The following MEGF8 variants were observed in gnomAD, a reference collection of about 807,000 sequenced individuals.
The protein encoded by MEGF8 is multiple epidermal growth factor-like domains protein 8.
Under a neutral mutation model 302.9 loss-of-function variants are expected in MEGF8, and 156 were observed. That is an observed-to-expected ratio of 0.52 (90% CI 0.45 to 0.59). The LOEUF (loss-of-function observed/expected upper bound fraction) is 0.59. MEGF8 is among the 20% of genes least tolerant of loss of function. The pLI, the probability that MEGF8 is intolerant of heterozygous loss-of-function variation, is 0.00. For missense variants in MEGF8, 3,345 were observed against 3,964.5 expected, an observed-to-expected ratio of 0.84 and a Z score of 4.20; for synonymous variants, 1,621 against 1,660.5, an observed-to-expected ratio of 0.98 and a Z score of 0.58.
In MEGF8 at chr19:42,336,460, A is replaced by G; in HGVS notation, c.1244+114A>G. On this transcript the variant is annotated intron_variant, in intron 6 of 41. Coordinates refer to ENST00000251268, the MANE Select transcript of MEGF8 (RefSeq NM_001271938.2). This position sits in a 1 kb window ranked among gnomAD's most constrained non-coding sequence, Gnocchi z 4.8. Reference sequence around the variant, plus strand: ...GTCGGACTCCTGTGGTCTCTCAGTCACTCCTTCCTTCATGTATTTACTTAT... The same window carrying G: ...GTCGGACTCCTGTGGTCTCTCAGTCGCTCCTTCCTTCATGTATTTACTTAT... 9.4e-7 allele frequency: 1 copy of G among 1,060,414 alleles called. No homozygotes were observed. The highest frequency in any genetic ancestry group is 1.3e-6 in the Non-Finnish European group (1 of 763,410). 65.7% of individuals were successfully genotyped at this position (1,060,414 alleles called of 1,614,324 possible). A position where few individuals can be genotyped will look rare whatever the true frequency, so the allele number is the denominator to read the frequency against.
intron 32 of MEGF8, 33 bp downstream of exon 32, chr19:42,361,039 G>A (rs1310465045): frequency 6.6e-6 from 10 of 1,522,612 alleles, no homozygotes; most frequent in Admixed American, 2.1e-5. Flanking sequence ...GCAGTGGGGA[G>A]TGGAGCCCTC....
At chr19:42,343,435 GC>G in intron 8 of MEGF8, 41 bp from the exon 9 acceptor site, 1 of 1,551,442 alleles carries the variant, frequency 6.4e-7, no homozygotes, top group African/African-American at 1.4e-5. Flanking sequence ...TGGTGGAGGG[GC>G]TGGGGGTCTA....
chr19:42,375,647 A>G lies in MEGF8; in HGVS notation c.7410A>G (p.Leu2470=), dbSNP rs1293873907. Residue 2470 remains leucine, a synonymous_variant, in exon 42 of 42, where the codon CTA becomes CTG. Coordinates refer to ENST00000251268, the MANE Select transcript of MEGF8 (RefSeq NM_001271938.2). This position sits in a 1 kb window ranked among gnomAD's most constrained non-coding sequence, Gnocchi z 7.1. The stretch of plus-strand genomic sequence containing the variant: ...TCCATGAGCCCAAACGCCGGGCGCT[A>G]GGCCCCGGCCGCACTGTCCTCTTTG... ...NCFHEPKRRA[L]GPGRTVLFGV... 3.1e-6 allele frequency: 5 copies of G among 1,609,600 alleles called. No individual in the cohort carries two copies.
At chr19:42,365,125 G>A (rs975173123) in intron 35 of MEGF8, among the ~76,000 whole-genome samples, 3 of 152,214 alleles carry the variant, frequency 2.0e-5, no homozygotes, top group African/African-American at 7.2e-5. Flanking sequence ...GAGGCCTCTC[G>A]TCTCCAAGCC....
intron 1 of MEGF8, among the ~76,000 whole-genome samples, chr19:42,328,323 A>C (rs2039011849): frequency 2.0e-5 from 3 of 152,216 alleles, no homozygotes; most frequent in Admixed American, 2.0e-4. Context: ...GAGGTGTGAC[A>C]GAGCCTGGAT....
chr19:42,368,716 A>G lies in MEGF8; in HGVS notation c.6481+54A>G. ...GGGGCTGGCCCTTGGTTGGGGTCTGATACAGTGAACATAGGGATACTGGGC... is the reference window on the plus strand; with the variant it reads ...GGGGCTGGCCCTTGGTTGGGGTCTGGTACAGTGAACATAGGGATACTGGGC... On this transcript the variant is annotated intron_variant, in intron 36 of 41. Transcript: ENST00000251268. This position sits in a 1 kb window ranked among gnomAD's most constrained non-coding sequence, Gnocchi z 4.9. 2.6e-6 allele frequency: 4 copies of G among 1,540,080 alleles called. No homozygotes were observed. Among genetic ancestry groups the G allele is most frequent in the Non-Finnish European group, 1.7e-6 (2 of 1,144,940 alleles).
rs1372579036 is a variant in MEGF8 at position 42,337,122 on chromosome 19, T to A, written c.1429T>A (p.Tyr477Asn). ...VHTHYQEEKC[Y>N]EDGIFFYHLG... is the part of the protein sequence containing the mutation. ...CACCCATTACCAGGAGGAAAAGTGC[T>A]ACGAAGATGGCATCTTCTTCTACCA... Residue 477 changes from tyrosine to asparagine, a missense_variant, in exon 8 of 42, where the codon TAC becomes AAC. Transcript: ENST00000251268. 1.9e-6 allele frequency: 3 copies of A among 1,613,882 alleles called. No individual in the cohort carries two copies. The highest frequency in any genetic ancestry group is 2.7e-5 in the African/African-American group (2 of 74,920).
rs933899325 is a variant in MEGF8 at position 42,362,389 on chromosome 19, C to T, written c.5850C>T (p.Ser1950=). ...AGCCTGTCTTCCCTCACCAGGCGTC[C>T]ACCCCCCGCTGTAAGTGGTGTACCA... is the stretch of plus-strand genomic sequence containing the variant. ...RTLQPGDGEA[S]TPRCKWCTNC... is the part of the protein sequence containing the mutation. The change falls in exon 34 of 42, where the codon TCC becomes TCT. Residue 1950 remains serine (S), a synonymous_variant. Transcript: ENST00000251268. 2 of 1,613,884 alleles carry T rather than the reference C, an allele frequency of 1.2e-6. No homozygotes were observed.
chr19:42,374,770 G>A (rs373274498), intron 41 of MEGF8, among the ~76,000 whole-genome samples: 30 of 152,214 alleles, frequency 2.0e-4, no homozygotes, highest in African/African-American at 7.0e-4. Context: ...TCAGATGCTC[G>A]TGTGTTAGAC....
intron 1 of MEGF8, among the ~76,000 whole-genome samples, chr19:42,331,348 G>T (rs920749267): frequency 3.3e-5 from 5 of 152,130 alleles, no homozygotes; most frequent in African/African-American, 1.2e-4. Context: ...GCTGGCCCAG[G>T]GTCCTCCAGC....
intron 32 of MEGF8, 147 bp from the exon 33 acceptor site, chr19:42,361,943 C>A (rs1476239996): frequency 4.0e-6 from 5 of 1,241,508 alleles, no homozygotes; most frequent in African/African-American, 3.0e-5. Flanking sequence ...CCATCTATTA[C>A]CAAATGGTGG....
At position 42,348,431 on chromosome 19, in the gene MEGF8, G is replaced by A. The variant is rs1246678294; in HGVS notation, c.2257G>A (p.Val753Ile). 1.2e-5 allele frequency: 19 copies of A among 1,532,008 alleles called. No homozygotes were observed. The highest frequency in any genetic ancestry group is 3.6e-5 in the South Asian group (3 of 83,894). The allele number at this position is 1,532,008 out of a possible 1,614,324, so 94.9% of individuals were successfully genotyped here. A position where few individuals can be genotyped will look rare whatever the true frequency, so the allele number is the denominator to read the frequency against. ...AVWTRAQRLH[V>I]LARMARGPDT... The stretch of plus-strand genomic sequence containing the variant: ...GTGGACGCGGGCCCAGCGCCTACAC[G>A]TCCTGGCCCGGATGGCCCGTGGCCC... Residue 753 changes from valine (V) to isoleucine (I), a missense_variant, in exon 13 of 42, where the codon GTC becomes ATC. Val to Ile is a conservative substitution (Grantham distance 29). Transcript: ENST00000251268.
At position 42,336,178 on chromosome 19, in the gene MEGF8, TCTC is replaced by T; in HGVS notation, c.1080_1082del (p.Ser361del). ...GGAGGCCGCACCCCGCACGACCTCT[TCTC>T]CTCTGGCCTCTTCCGTTTCCGCCTT... On this transcript the variant is annotated inframe_deletion, in exon 6 of 42. Transcript: ENST00000251268. This position sits in a 1 kb window ranked among gnomAD's most constrained non-coding sequence, Gnocchi z 4.8. The T allele has an allele frequency of 3.7e-6, 6 of 1,610,964 alleles. No individual in the cohort carries two copies. The highest frequency in any genetic ancestry group is 5.1e-6 in the Non-Finnish European group (6 of 1,179,848).
Position 42,377,756 on chromosome 19 carries a change from C to T in MEGF8, c.*981C>T, listed in dbSNP as rs2039788154. On this transcript the variant is annotated 3_prime_UTR_variant, in exon 42 of 42. Coordinates refer to ENST00000251268, the MANE Select transcript of MEGF8 (RefSeq NM_001271938.2). ...GAGCTCAGATTGCGTCACTGCACTC[C>T]AACCTGGGTGACAGAGCGAGACTCC... 1 of 149,732 alleles carries T rather than the reference C, an allele frequency of 6.7e-6. No individual in the cohort carries two copies. The highest frequency in any genetic ancestry group is 1.5e-5 in the Non-Finnish European group (1 of 67,694). The allele number at this position is 149,732 out of a possible 1,614,324, so 9.3% of individuals were successfully genotyped here. A position where few individuals can be genotyped will look rare whatever the true frequency, so the allele number is the denominator to read the frequency against.
chr19:42,358,345 C>A lies in MEGF8; in HGVS notation c.5175+38C>A. ...GGCTCAGACCCAAGGATGTATGGGG[C>A]AGGAGGGAGGGGTCCTCTTTCCCAG... On this transcript the variant is annotated intron_variant, in intron 29 of 41. Coordinates refer to ENST00000251268, the MANE Select transcript of MEGF8 (RefSeq NM_001271938.2). This position sits in a 1 kb window ranked among gnomAD's most constrained non-coding sequence, Gnocchi z 4.4. 6.4e-7 allele frequency: 1 copy of A among 1,555,208 alleles called. No homozygotes were observed. The highest frequency in any genetic ancestry group is 1.4e-5 in the African/African-American group (1 of 72,342).
At chr19:42,331,758 C>T (rs1001077878) in intron 1 of MEGF8, among the ~76,000 whole-genome samples, 23 of 151,616 alleles carry the variant, frequency 1.5e-4, no homozygotes, top group Non-Finnish European at 8.8e-5. Context: ...TTAGTAGAGA[C>T]GGGGTTTCAC....
At chr19:42,372,598 C>T (rs1483288989) in intron 41 of MEGF8, among the ~76,000 whole-genome samples, 1 of 152,218 alleles carries the variant, frequency 6.6e-6, no homozygotes, top group African/African-American at 2.4e-5. Context: ...AACAGTTTTA[C>T]AAGCCTTACT....
At position 42,335,960 on chromosome 19, in the gene MEGF8, C is replaced by G. The variant is rs1404831945; in HGVS notation, c.858C>G (p.Ala286=). 6 of 1,501,312 alleles carry G rather than the reference C, an allele frequency of 4.0e-6. No homozygotes were observed. Among genetic ancestry groups the G allele is most frequent in the Non-Finnish European group, 5.3e-6 (6 of 1,123,424 alleles). The allele number at this position is 1,501,312 out of a possible 1,614,324, so 93.0% of individuals were successfully genotyped here. ...PAARHSHVAV[A]WAGSLVLMGG... is the part of the protein sequence containing the mutation. The stretch of plus-strand genomic sequence containing the variant: ...CCCGTCACTCCCATGTGGCCGTGGC[C>G]TGGGCCGGCTCCCTGGTACTGATGG... The change falls in exon 6 of 42, where the codon GCC becomes GCG. Residue 286 remains alanine (A), a synonymous_variant. Coordinates refer to ENST00000251268, the MANE Select transcript of MEGF8 (RefSeq NM_001271938.2).
rs757924699 is a variant in MEGF8, at chr19:42,362,181, C to T, written c.5812C>T (p.His1938Tyr). The T allele has an allele frequency of 8.3e-5, 134 of 1,610,558 alleles. No individual in the cohort carries two copies. Among genetic ancestry groups the T allele is most frequent in the Non-Finnish European group, 1.1e-4 (124 of 1,179,022 alleles). The change falls in exon 33 of 42, where the codon CAT becomes TAT. Residue 1938 changes from histidine (H) to tyrosine (Y), a missense_variant. His to Tyr is a moderately conservative substitution (Grantham distance 83, BLOSUM62 2). Coordinates refer to ENST00000251268, the MANE Select transcript of MEGF8 (RefSeq NM_001271938.2). ...GACCTGCAGTGAGTGCCTGGCCCGCCATCCTCGGACCCTGCAACCTGGAGA... is the reference window on the plus strand; with the variant it reads ...GACCTGCAGTGAGTGCCTGGCCCGCTATCCTCGGACCCTGCAACCTGGAGA... The part of the protein sequence containing the change: ...LRTCSECLAR[H>Y]PRTLQPGDGE...
Sources: allele counts gnomAD v4.1 joint callset (sites outside exome capture counted in the v4.1 genomes callset), GRCh38; gene constraint gnomAD v4.1.1; non-coding constraint Gnocchi (gnomAD v3.1); transcripts MANE v1.5; gene names NCBI Gene and HGNC (gene_info 2026-07-23, HGNC 2026-07-21).